Variants in ITPR1 observed in about 807,000 individuals in gnomAD.
ITPR1 encodes inositol 1,4,5-trisphosphate-gated calcium channel ITPR1.
A neutral mutation model predicts 318.4 loss-of-function variants in ITPR1; 96 were observed. The ratio of observed to expected loss-of-function variants is 0.30; its 90% confidence interval spans 0.26 to 0.36. The LOEUF is 0.36. ITPR1 is among the 10% of genes least tolerant of loss of function. The pLI, the probability that ITPR1 is intolerant of heterozygous loss-of-function variation, is 1.00. For synonymous variants in ITPR1, 1,312 were observed against 1,289.9 expected (o/e 1.02, Z -0.37); for missense variants, 2,440 against 3,460.2 (o/e 0.71, Z 7.40).
At chr3:4,701,087 G>A (rs565585448) in intron 35 of ITPR1, among the ~76,000 whole-genome samples, 10 of 152,278 alleles carry the variant, frequency 6.6e-5, no homozygotes, top group South Asian at 2.1e-4. Context: ...TGCCTGTTGC[G>A]TTTGGATGGT....
chr3:4,654,249 T>C (rs1289914627), intron 12 of ITPR1, among the ~76,000 whole-genome samples: 1 of 152,196 alleles, frequency 6.6e-6, no homozygotes, highest in African/African-American at 2.4e-5. Flanking sequence ...CCTCAATCCA[T>C]GACTCACACA....
intron 24 of ITPR1, among the ~76,000 whole-genome samples, chr3:4,679,714 G>C (rs1326536886): frequency 6.6e-6 from 1 of 152,168 alleles, no homozygotes; most frequent in African/African-American, 2.4e-5. Context: ...CTTGAACCCA[G>C]TCAAGTTGGC....
chr3:4,557,976 C>G (rs1575525730), intron 4 of ITPR1, among the ~76,000 whole-genome samples: 1 of 152,288 alleles, frequency 6.6e-6, no homozygotes, highest in Non-Finnish European at 1.5e-5. Flanking sequence ...TTAAAACCTC[C>G]TCCTTCACTT....
chr3:4,763,118 A>G (rs969396710), intron 44 of ITPR1, among the ~76,000 whole-genome samples: 6 of 152,154 alleles, frequency 3.9e-5, no homozygotes, highest in Non-Finnish European at 8.8e-5. Context: ...ACCAAACACC[A>G]CATGTTCTCA....
chr3:4,837,012 A>G (rs1214074068), intron 61 of ITPR1, 77 bp downstream of exon 61: 6 of 1,290,134 alleles, frequency 4.7e-6, no homozygotes, highest in African/African-American at 1.5e-5. Flanking sequence ...ACCAAATCTG[A>G]TGAGGAAAAT....
rs977512563 is a variant in ITPR1 at position 4,846,989 on chromosome 3, T to C, written c.*764T>C. On this transcript the variant is annotated 3_prime_UTR_variant, in exon 62 of 62. Transcript: ENST00000649015. ...CTTGTGAAGAAGATAATGAATTTTT[T>C]AAAGGGAACTTTCTATGCAATGTTC... 5 of 152,676 alleles carry C rather than the reference T, an allele frequency of 3.3e-5. No individual in the cohort carries two copies. Among genetic ancestry groups the C allele is most frequent in the Non-Finnish European group, 7.3e-5 (5 of 68,036 alleles). The allele number at this position is 152,676 out of a possible 1,614,324, so 9.5% of individuals were successfully genotyped here. A position where few individuals can be genotyped will look rare whatever the true frequency, so the allele number is the denominator to read the frequency against.
At chr3:4,644,873 G>A (rs1178849376) in intron 8 of ITPR1, among the ~76,000 whole-genome samples, 1 of 152,136 alleles carries the variant, frequency 6.6e-6, no homozygotes, top group Non-Finnish European at 1.5e-5. Context: ...GCGGCGGTCG[G>A]ACCTATTTTT....
chr3:4,635,747 T>C (rs959820328), intron 5 of ITPR1, among the ~76,000 whole-genome samples: 1 of 152,194 alleles, frequency 6.6e-6, no homozygotes, highest in Non-Finnish European at 1.5e-5. Flanking sequence ...AGAAACAGCC[T>C]TGATCAGTGG....
At chr3:4,752,803 A>G (rs75439778) in intron 44 of ITPR1, among the ~76,000 whole-genome samples, 1 of 152,314 alleles carries the variant, frequency 6.6e-6, no homozygotes, top group East Asian at 1.9e-4. Context: ...CCGGCTTAAT[A>G]TAGCAGATGT....
intron 38 of ITPR1, among the ~76,000 whole-genome samples, chr3:4,711,235 A>AG (rs2041345105): frequency 6.7e-6 from 1 of 148,634 alleles, no homozygotes; most frequent in Non-Finnish European, 1.5e-5. Context: ...AAAAAAAAAA[A>AG]GAGATTTTTA....
At chr3:4,765,626 A>T (rs11712379) in intron 44 of ITPR1, among the ~76,000 whole-genome samples, 2 of 151,942 alleles carry the variant, frequency 1.3e-5, no homozygotes, top group Non-Finnish European at 2.9e-5. Context: ...TTGGCAGAAG[A>T]TACACTGGAA....
chr3:4,539,072 T>C (rs1401614250), intron 4 of ITPR1, among the ~76,000 whole-genome samples: 1 of 152,218 alleles, frequency 6.6e-6, no homozygotes, highest in African/African-American at 2.4e-5. Context: ...ATGAAATAAT[T>C]ATAAACATTG....
At chr3:4,534,568 A>G (rs1466067023) in intron 4 of ITPR1, among the ~76,000 whole-genome samples, 3 of 152,216 alleles carry the variant, frequency 2.0e-5, no homozygotes, top group Non-Finnish European at 4.4e-5. Flanking sequence ...GAAAAACTCC[A>G]ACTTGAGCAG....
rs370179124 is a variant in ITPR1 at position 4,727,147 on chromosome 3, C to T, written c.5194C>T (p.Leu1732=). Residue 1732 remains leucine (L), a synonymous_variant, in exon 42 of 62, where the codon CTG becomes TTG. Transcript: ENST00000649015. ...GCAGGAGCTTGAACCAAGTCCACCCCTGCGGCAGCTGGAAGACCATAAAAG... is the reference window on the plus strand; with the variant it reads ...GCAGGAGCTTGAACCAAGTCCACCCTTGCGGCAGCTGGAAGACCATAAAAG... ...ATEELEPSPP[L]RQLEDHKRGE... is the part of the protein sequence containing the mutation. 1 of 1,597,778 alleles carries T rather than the reference C, an allele frequency of 6.3e-7. No homozygotes were observed. Among genetic ancestry groups the T allele is most frequent in the Non-Finnish European group, 8.5e-7 (1 of 1,178,764 alleles).
intron 55 of ITPR1, among the ~76,000 whole-genome samples, chr3:4,807,537 C>T (rs1248362905): frequency 1.3e-5 from 2 of 152,096 alleles, no homozygotes; most frequent in African/African-American, 2.4e-5. Flanking sequence ...ATAGCACTGC[C>T]GAATGATTGC....
intron 4 of ITPR1, among the ~76,000 whole-genome samples, chr3:4,613,150 T>G (rs552745080): frequency 6.6e-6 from 1 of 152,312 alleles, no homozygotes; most frequent in African/African-American, 2.4e-5. Flanking sequence ...GTCCAGTAAT[T>G]TGGGACAACT....
intron 17 of ITPR1, among the ~76,000 whole-genome samples, chr3:4,666,598 A>C (rs1575996560): frequency 6.6e-6 from 1 of 152,240 alleles, no homozygotes; most frequent in Non-Finnish European, 1.5e-5. Context: ...TACAGGCTGA[A>C]AACCATGGCC....
At chr3:4,732,739 G>A (rs1185618084) in intron 42 of ITPR1, among the ~76,000 whole-genome samples, 1 of 152,142 alleles carries the variant, frequency 6.6e-6, no homozygotes, top group Non-Finnish European at 1.5e-5. Flanking sequence ...CTATGTGGAA[G>A]CTGACCTGTA....
At chr3:4,678,573 T>C (rs2094231855) in intron 24 of ITPR1, among the ~76,000 whole-genome samples, 1 of 152,172 alleles carries the variant, frequency 6.6e-6, no homozygotes, top group South Asian at 2.1e-4. Context: ...GTTTATAGTC[T>C]GATGGGAGAA....
Sources: allele counts gnomAD v4.1 joint callset (sites outside exome capture counted in the v4.1 genomes callset), GRCh38; gene constraint gnomAD v4.1.1; transcripts MANE v1.5; gene names NCBI Gene and HGNC (gene_info 2026-07-23, HGNC 2026-07-21).